Variants in SNX7 observed in about 807,000 individuals in gnomAD.
SNX7 encodes sorting nexin 7, also known as sorting nexin-7.
SNX7 carries 35 observed loss-of-function variants against 48.4 expected under a neutral mutation model. The ratio of observed to expected loss-of-function variants is 0.72; its 90% CI spans 0.55 to 0.96. The LOEUF is 0.96. SNX7 is among the 40% of genes least tolerant of loss of function. SNX7 has a pLI of 0.00. For missense variants in SNX7, 553 were observed against 548.9 expected, an observed-to-expected ratio of 1.01 and a Z score of -0.07; for synonymous variants, 190 against 190.2, an observed-to-expected ratio of 1.00 and a Z score of 0.01.
intron 1 of SNX7, among the ~76,000 whole-genome samples, chr1:98,679,280 A>G (rs937983607): frequency 1.1e-4 from 17 of 152,120 alleles, no homozygotes; most frequent in African/African-American, 3.6e-4. Context: ...TGAGAACAGC[A>G]TGTGAAGACC....
intron 8 of SNX7, among the ~76,000 whole-genome samples, chr1:98,750,719 A>G (rs1018996936): frequency 1.3e-5 from 2 of 152,080 alleles, no homozygotes; most frequent in African/African-American, 4.8e-5. Context: ...CAGTTAACTC[A>G]GTGTCTAATA....
intron 8 of SNX7, among the ~76,000 whole-genome samples, chr1:98,739,908 C>A (rs1290874902): frequency 6.6e-6 from 1 of 152,092 alleles, no homozygotes; most frequent in African/African-American, 2.4e-5. Context: ...GGAAACTGAC[C>A]GGATCAGACT....
chr1:98,704,223 A>AG (rs1214692812), intron 7 of SNX7, among the ~76,000 whole-genome samples: 3 of 152,200 alleles, frequency 2.0e-5, no homozygotes, highest in Admixed American at 6.5e-5. Flanking sequence ...TAAAGTGTTT[A>AG]ATACCCATGT....
chr1:98,739,470 C>T (rs550642064), intron 8 of SNX7, among the ~76,000 whole-genome samples: 1 of 152,226 alleles, frequency 6.6e-6, no homozygotes, highest in Admixed American at 6.5e-5. Context: ...CTTCTATCAC[C>T]AGACATTGTG....
intron 7 of SNX7, among the ~76,000 whole-genome samples, chr1:98,712,994 G>A (rs1264414859): frequency 6.6e-6 from 1 of 151,372 alleles, no homozygotes; most frequent in Non-Finnish European, 1.5e-5. Flanking sequence ...GGGAGGCTAA[G>A]GCAGGAGAAT....
intron 7 of SNX7, among the ~76,000 whole-genome samples, chr1:98,715,516 C>T (rs1336580914): frequency 6.6e-6 from 1 of 152,138 alleles, no homozygotes; most frequent in Non-Finnish European, 1.5e-5. Context: ...CTGATGATCC[C>T]ATGCCTTATC....
chr1:98,727,358 A>G (rs1280496686), intron 7 of SNX7, among the ~76,000 whole-genome samples: 2 of 152,184 alleles, frequency 1.3e-5, no homozygotes, highest in African/African-American at 4.8e-5. Flanking sequence ...ACAAAAACCC[A>G]TCCAAAGCTC....
chr1:98,729,240 A>G (rs567454316), intron 7 of SNX7, among the ~76,000 whole-genome samples: 39 of 152,018 alleles, frequency 2.6e-4, no homozygotes, highest in African/African-American at 8.9e-4. Flanking sequence ...TCTTTGAACA[A>G]AGAAACAACG....
intron 8 of SNX7, among the ~76,000 whole-genome samples, chr1:98,744,160 A>G (rs920366516): frequency 5.3e-5 from 8 of 152,060 alleles, no homozygotes; most frequent in Non-Finnish European, 1.0e-4. Flanking sequence ...GTGAAAGCAA[A>G]GGAAGGAAAA....
At chr1:98,723,033 G>C (rs1652966855) in intron 7 of SNX7, among the ~76,000 whole-genome samples, 1 of 152,064 alleles carries the variant, frequency 6.6e-6, no homozygotes, top group Admixed American at 6.6e-5. Flanking sequence ...ATGAAAAGAT[G>C]AATAGACCCC....
chr1:98,714,500 A>T (rs1048753028), intron 7 of SNX7, among the ~76,000 whole-genome samples: 1 of 150,342 alleles, frequency 6.7e-6, no homozygotes, highest in Non-Finnish European at 1.5e-5. Context: ...TGATAATTTT[A>T]GACTGTGATT....
chr1:98,673,373 G>C (rs1649984186), intron 1 of SNX7, among the ~76,000 whole-genome samples: 1 of 152,128 alleles, frequency 6.6e-6, no homozygotes, highest in Non-Finnish European at 1.5e-5. Context: ...CCTCAAAGAA[G>C]CTTTCCCTGA....
chr1:98,685,185 A>G (rs377359322), intron 2 of SNX7, 118 bp downstream of exon 2: 1 of 587,808 alleles, frequency 1.7e-6, no homozygotes. Context: ...ATTGACTTTT[A>G]CTTTTTCAAA....
intron 8 of SNX7, among the ~76,000 whole-genome samples, chr1:98,751,521 T>C (rs371282891): frequency 2.6e-5 from 4 of 152,062 alleles, no homozygotes; most frequent in African/African-American, 9.7e-5. Flanking sequence ...CTGAGTTCTC[T>C]CCTCAAAGAG....
intron 8 of SNX7, among the ~76,000 whole-genome samples, chr1:98,755,426 G>A (rs944922652): frequency 6.6e-6 from 1 of 151,848 alleles, no homozygotes; most frequent in East Asian, 1.9e-4. Context: ...CTTTCTCCTT[G>A]TATTTCTGTC....
At chr1:98,678,766 CTG>C (rs1396083906) in intron 1 of SNX7, among the ~76,000 whole-genome samples, 17 of 152,100 alleles carry the variant, frequency 1.1e-4, no homozygotes, top group African/African-American at 4.1e-4. Flanking sequence ...ATCTGTGAAT[CTG>C]TAGTCATATA....
intron 7 of SNX7, among the ~76,000 whole-genome samples, chr1:98,707,664 T>C (rs1652078822): frequency 6.6e-6 from 1 of 152,242 alleles, no homozygotes; most frequent in Non-Finnish European, 1.5e-5. Flanking sequence ...CATTCAAATA[T>C]AAATGAATAT....
chr1:98,723,974 A>T (rs1380600581), intron 7 of SNX7, among the ~76,000 whole-genome samples: 1 of 151,814 alleles, frequency 6.6e-6, no homozygotes, highest in Non-Finnish European at 1.5e-5. Context: ...AAAAAAAATT[A>T]TAATGTTCTT....
chr1:98,667,497 C>T (rs1259453666), intron 1 of SNX7, among the ~76,000 whole-genome samples: 1 of 152,134 alleles, frequency 6.6e-6, no homozygotes, highest in Non-Finnish European at 1.5e-5. Flanking sequence ...CTACCTCAGC[C>T]TCCCCAGTAG....
Sources: gnomAD v4.1 joint callset for allele counts (sites outside exome capture counted in the v4.1 genomes callset) on GRCh38, gnomAD v4.1.1 for gene constraint, MANE v1.5 for transcripts, NCBI Gene and HGNC (gene_info 2026-07-23, HGNC 2026-07-21) for gene names.